Variants in SMC1B observed in about 807,000 individuals in gnomAD.
SMC1B encodes structural maintenance of chromosomes protein 1B.
Under a neutral mutation model 157.9 loss-of-function variants are expected in SMC1B, and 60 were observed. That is an observed-to-expected ratio of 0.38 (90% CI 0.31 to 0.47). The LOEUF (loss-of-function observed/expected upper bound fraction) is 0.47. SMC1B is among the 20% of genes least tolerant of loss of function. The pLI, the probability that SMC1B is intolerant of heterozygous loss-of-function variation, is 0.99. For synonymous variants in SMC1B, 445 were observed against 483.0 expected, an observed-to-expected ratio of 0.92 and a Z score of 1.03; for missense variants, 1,165 against 1,426.2, an observed-to-expected ratio of 0.82 and a Z score of 2.95.
chr22:45,344,100 C>G lies in SMC1B; in HGVS notation c.*456G>C, dbSNP rs2086525586. The G allele has an allele frequency of 6.6e-6, 1 of 152,306 alleles. No individual in the cohort carries two copies. Among genetic ancestry groups the G allele is most frequent in the Non-Finnish European group, 1.5e-5 (1 of 68,112 alleles). 9.4% of individuals were successfully genotyped at this position (152,306 alleles called of 1,614,324 possible). ...ACATTTTTTATTGATATTTTCAATA[C>G]TAACATAGTTTCTCTGAAACAATTT... On this transcript the variant is annotated 3_prime_UTR_variant, in exon 25 of 25. Coordinates refer to ENST00000357450, the MANE Select transcript of SMC1B (RefSeq NM_148674.5).
intron 4 of SMC1B, among the ~76,000 whole-genome samples, chr22:45,404,726 G>A (rs1162978102): frequency 1.3e-5 from 2 of 152,024 alleles, no homozygotes; most frequent in Non-Finnish European, 2.9e-5. Flanking sequence ...CCAGAATGAA[G>A]CAACATACAT....
chr22:45,398,669 A>C (rs2087155464), intron 6 of SMC1B, among the ~76,000 whole-genome samples: 1 of 152,168 alleles, frequency 6.6e-6, no homozygotes, highest in Admixed American at 6.5e-5. Flanking sequence ...GTCTCTACTA[A>C]AAATACAAAA....
chr22:45,404,400 G>A (rs894750370), intron 4 of SMC1B, among the ~76,000 whole-genome samples: 1 of 152,104 alleles, frequency 6.6e-6, no homozygotes, highest in African/African-American at 2.4e-5. Flanking sequence ...CTCTTGTGGG[G>A]AAAAAAATCT....
At chr22:45,388,744 A>G (rs1446305578) in intron 10 of SMC1B, among the ~76,000 whole-genome samples, 3 of 152,140 alleles carry the variant, frequency 2.0e-5, no homozygotes, top group African/African-American at 7.2e-5. Flanking sequence ...TGGGAGACCG[A>G]GGCAGGCGGA....
intron 19 of SMC1B, among the ~76,000 whole-genome samples, chr22:45,355,683 C>A (rs747277989): frequency 1.3e-5 from 2 of 152,110 alleles, no homozygotes; most frequent in Non-Finnish European, 2.9e-5. Flanking sequence ...TCCAGCTAGA[C>A]AGGTTAACAC....
At chr22:45,412,789 G>C (rs950541783) in intron 1 of SMC1B, among the ~76,000 whole-genome samples, 2 of 152,048 alleles carry the variant, frequency 1.3e-5, no homozygotes, top group Non-Finnish European at 2.9e-5. Context: ...AGACGGTGTC[G>C]CCAGGAACTT....
At position 45,402,348 on chromosome 22, in the gene SMC1B, G is replaced by A. The variant is rs200604453; in HGVS notation, c.839C>T (p.Thr280Ile). Residue 280 changes from threonine (T) to isoleucine (I), a missense_variant, in exon 5 of 25, where the codon ACA (threonine) becomes ATA (isoleucine). Physicochemically the swap from Thr to Ile is moderately conservative, Grantham distance 89. Coordinates refer to ENST00000357450, the MANE Select transcript of SMC1B (RefSeq NM_148674.5). ...HGMLTRQLQQ[T>I]EKELKSVETL... ...AAAAACTCACTTTAATTCTTTTTCT[G>A]TTTGTTGTAGTTGTCTAGTTAGCAT... 20 of 1,608,388 alleles carry A rather than the reference G, an allele frequency of 1.2e-5. No homozygotes were observed. Among genetic ancestry groups the A allele is most frequent in the Non-Finnish European group, 1.7e-5 (20 of 1,177,498 alleles).
chr22:45,345,692 C>A, intron 23 of SMC1B, 123 bp from the exon 24 acceptor site: 1 of 603,034 alleles, frequency 1.7e-6, no homozygotes, highest in Non-Finnish European at 3.0e-6. Context: ...TCCACCTTTC[C>A]AATAATTCAA....
chr22:45,396,297 A>C lies in SMC1B; in HGVS notation c.1254+49T>G, dbSNP rs2087122873. The C allele has an allele frequency of 3.3e-6, 5 of 1,529,686 alleles. No homozygotes were observed. The African/African-American group carries it at 7.0e-5, about 21-fold the overall frequency. 94.8% of individuals were successfully genotyped at this position (1,529,686 alleles called of 1,614,324 possible). A position where few individuals can be genotyped will look rare whatever the true frequency, so the allele number is the denominator to read the frequency against. On this transcript the variant is annotated intron_variant, in intron 7 of 24. Coordinates refer to ENST00000357450, the MANE Select transcript of SMC1B (RefSeq NM_148674.5). ...TGGAGACAGGTACAAAAAGGAAATA[A>C]AATTTCATTAAGAATGATTCTAAAT...
chr22:45,353,286 G>T, intron 21 of SMC1B, among the ~76,000 whole-genome samples: 1 of 52,102 alleles, frequency 1.9e-5, no homozygotes, highest in Middle Eastern at 0.01. Context: ...AAGAAAGAAA[G>T]AAAGAAAAAA....
At chr22:45,384,136 A>G (rs2086966785) in intron 11 of SMC1B, among the ~76,000 whole-genome samples, 1 of 152,166 alleles carries the variant, frequency 6.6e-6, no homozygotes, top group African/African-American at 2.4e-5. Flanking sequence ...TATTTCCCAT[A>G]TGAGTGAGGT....
At chr22:45,388,986 C>CAAAAAAAAAAAAAAAAAAAAAAAAAAA (rs371475132) in intron 10 of SMC1B, among the ~76,000 whole-genome samples, 5 of 54,454 alleles carry the variant, frequency 9.2e-5, no homozygotes, top group Admixed American at 2.7e-4. Context: ...GACTCTGCCT[C>CAAAAAAAAAAAAAAAAAAAAAAAAAAA]AAAAAAAAAA....
At position 45,348,767 on chromosome 22, in the gene SMC1B, C is replaced by T. The variant is rs144133256; in HGVS notation, c.3495+961G>A. On this transcript the variant is annotated intron_variant, in intron 23 of 24. Transcript: ENST00000357450. Reference sequence around the variant, plus strand: ...TTCCTGGAGTGCAGTGGCACGGTCTCGGCTCACTGCAATCTCTGTCTCTCA... The same window carrying T: ...TTCCTGGAGTGCAGTGGCACGGTCTTGGCTCACTGCAATCTCTGTCTCTCA... Among the ~76,000 whole-genome samples the T allele has an allele frequency of 8.5e-4, 128 of 150,078 alleles. 3 individuals are homozygous for T. In the East Asian group the frequency reaches 0.019, roughly 22 times the overall value.
intron 7 of SMC1B, among the ~76,000 whole-genome samples, chr22:45,395,263 G>GCCTATAATAATA (rs1569194457): frequency 5.9e-5 from 9 of 152,084 alleles, no homozygotes; most frequent in Admixed American, 1.3e-4. Flanking sequence ...ATAGGCACCT[G>GCCTATAATAATA]TAGGGCAACT....
chr22:45,402,535 T>C lies in SMC1B; in HGVS notation c.652A>G (p.Met218Val), dbSNP rs2146847298. ...RYQSLLEELK[M>V]NKIQLQLFQL... Reference sequence around the variant, plus strand: ...AAAAGCTGCAGTTGTATCTTGTTCATTTTCAGTTCTTCAAGGAGACTCTGG... The same window carrying C: ...AAAAGCTGCAGTTGTATCTTGTTCACTTTCAGTTCTTCAAGGAGACTCTGG... Residue 218 changes from methionine (M) to valine (V), a missense_variant, in exon 5 of 25, where the codon ATG becomes GTG. By Grantham distance (21) the Met-to-Val change is conservative. Coordinates refer to ENST00000357450, the MANE Select transcript of SMC1B (RefSeq NM_148674.5). 6.2e-7 allele frequency: 1 copy of C among 1,613,824 alleles called. No homozygotes were observed. The highest frequency in any genetic ancestry group is 2.2e-5 in the East Asian group (1 of 44,820).
intron 15 of SMC1B, among the ~76,000 whole-genome samples, chr22:45,363,325 A>C (rs2086739510): frequency 6.6e-6 from 1 of 152,234 alleles, no homozygotes; most frequent in Admixed American, 6.5e-5. Context: ...CTCATAAAGT[A>C]TTATGGCTAA....
intron 17 of SMC1B, among the ~76,000 whole-genome samples, chr22:45,361,498 C>T (rs891296831): frequency 2.0e-5 from 3 of 152,056 alleles, no homozygotes; most frequent in Non-Finnish European, 4.4e-5. Flanking sequence ...TGGTGGTGTG[C>T]TCCTGTAGTC....
chr22:45,402,362 T>A lies in SMC1B; in HGVS notation c.825A>T (p.Arg275Ser). Residue 275 changes from arginine to serine, a missense_variant, in exon 5 of 25, where the codon AGA (arginine) becomes AGT (serine). Coordinates refer to ENST00000357450, the MANE Select transcript of SMC1B (RefSeq NM_148674.5). ...ARKKEHGMLTRQLQQTEKELK... is the reference protein window; with the variant it reads ...ARKKEHGMLTSQLQQTEKELK... ...ATTCTTTTTCTGTTTGTTGTAGTTG[T>A]CTAGTTAGCATTCCATGTTCCTTTT... The A allele has an allele frequency of 1.9e-6, 3 of 1,613,180 alleles. No homozygotes were observed. The highest frequency in any genetic ancestry group is 2.5e-6 in the Non-Finnish European group (3 of 1,179,580).
At chr22:45,347,368 T>C (rs538556626) in intron 23 of SMC1B, among the ~76,000 whole-genome samples, 2 of 152,318 alleles carry the variant, frequency 1.3e-5, no homozygotes, top group Admixed American at 6.5e-5. Context: ...CAAGAGATTT[T>C]CTCAGATGAA....
Sources: allele counts gnomAD v4.1 joint callset (sites outside exome capture counted in the v4.1 genomes callset), GRCh38; gene constraint gnomAD v4.1.1; transcripts MANE v1.5; gene names NCBI Gene and HGNC (gene_info 2026-07-23, HGNC 2026-07-21).